The following RALGPS1 variants were observed in gnomAD, a reference collection of about 807,000 sequenced individuals.
The protein encoded by RALGPS1 is ras-specific guanine nucleotide-releasing factor RalGPS1.
In RALGPS1, 19 loss-of-function variants were observed where a neutral mutation model predicts 78.8. The observed-to-expected ratio is 0.24, with a 90% CI of 0.17 to 0.35. The LOEUF (loss-of-function observed/expected upper bound fraction) is 0.35. Among genes scored for constraint, RALGPS1 ranks in the 10% least tolerant of loss-of-function variants. The pLI is 1.00. For missense variants in RALGPS1, 454 were observed against 688.3 expected (o/e 0.66, Z 3.81); for synonymous variants, 228 against 256.3 (o/e 0.89, Z 1.06).
chr9:126,958,696 T>C (rs2038597920), intron 1 of RALGPS1, among the ~76,000 whole-genome samples: 1 of 152,238 alleles, frequency 6.6e-6, no homozygotes, highest in Non-Finnish European at 1.5e-5. Context: ...TTTGTAGCTT[T>C]TGGCTTTTAT....
chr9:127,199,138 C>T (rs904951646), intron 14 of RALGPS1, 72 bp downstream of exon 14: 56 of 1,402,432 alleles, frequency 4.0e-5, no homozygotes, highest in African/African-American at 8.5e-5. Context: ...AGACAGGCCC[C>T]GGGCAGGGAC....
Position 127,211,572 on chromosome 9 carries a change from A to G in RALGPS1, c.1248-559A>G, listed in dbSNP as rs139724720. Reference sequence around the variant, plus strand: ...GCTCAGGAGGGAGGTGTGGGCTGCCATGCCCTTGGACGCCTTCATCTGTAG... The same window carrying G: ...GCTCAGGAGGGAGGTGTGGGCTGCCGTGCCCTTGGACGCCTTCATCTGTAG... On this transcript the variant is annotated intron_variant, in intron 14 of 18. Transcript: ENST00000259351. The surrounding 1 kb of genome is among the most constrained non-coding windows in gnomAD (Gnocchi z 5.0). Among the ~76,000 whole-genome samples the G allele has an allele frequency of 2.8e-3, 426 of 152,220 alleles. 2 individuals are homozygous for G. Among genetic ancestry groups the G allele is most frequent in the African/African-American group, 9.8e-3 (406 of 41,534 alleles).
intron 1 of RALGPS1, among the ~76,000 whole-genome samples, chr9:126,935,460 A>G (rs1314289389): frequency 2.0e-5 from 3 of 152,202 alleles, no homozygotes; most frequent in Admixed American, 6.5e-5. Flanking sequence ...AACAGCCACA[A>G]CAAATGTTAA....
chr9:126,982,506 C>T (rs1226236807), intron 4 of RALGPS1, among the ~76,000 whole-genome samples: 1 of 152,196 alleles, frequency 6.6e-6, no homozygotes, highest in Non-Finnish European at 1.5e-5. Flanking sequence ...CCTATTAAAA[C>T]AACAACCACC....
rs562017249 is a variant in RALGPS1, at chr9:127,077,581, G to A, written c.610+8225G>A. ...ATGGGGGCCACCACCCTAGGACCAA[G>A]GTGCAGTAGTTCCCTTGTCAGGATT... On this transcript the variant is annotated intron_variant, in intron 8 of 18. Transcript: ENST00000259351. Among the ~76,000 whole-genome samples the A allele has an allele frequency of 4.6e-5, 7 of 152,340 alleles. No homozygotes were observed. The South Asian group carries it at 1.5e-3, about 32-fold the overall frequency.
At chr9:126,982,992 A>G (rs1485086743) in intron 4 of RALGPS1, among the ~76,000 whole-genome samples, 1 of 119,068 alleles carries the variant, frequency 8.4e-6, no homozygotes, top group African/African-American at 3.3e-5. Flanking sequence ...GCTGGAGTGC[A>G]GTGGCATGAT....
intron 8 of RALGPS1, among the ~76,000 whole-genome samples, chr9:127,084,543 TG>T (rs1234151257): frequency 6.6e-6 from 1 of 152,200 alleles, no homozygotes. Flanking sequence ...TTTGTGCCCC[TG>T]GGCCTGAGTC....
intron 8 of RALGPS1, among the ~76,000 whole-genome samples, chr9:127,098,482 C>G (rs1430007568): frequency 1.3e-5 from 2 of 152,192 alleles, no homozygotes; most frequent in Non-Finnish European, 2.9e-5. Context: ...AGCCCCGTGG[C>G]TGAGCCGAGT....
intron 8 of RALGPS1, among the ~76,000 whole-genome samples, chr9:127,097,851 G>T (rs2053305778): frequency 6.6e-6 from 1 of 152,208 alleles, no homozygotes; most frequent in Non-Finnish European, 1.5e-5. Flanking sequence ...AATCTCGATG[G>T]CCTCACCTAT....
chr9:126,996,880 A>T (rs1412958940), intron 4 of RALGPS1, among the ~76,000 whole-genome samples: 1 of 152,258 alleles, frequency 6.6e-6, no homozygotes, highest in Non-Finnish European at 1.5e-5. Context: ...GGTTCAACAT[A>T]CACAAATCAA....
intron 8 of RALGPS1, among the ~76,000 whole-genome samples, chr9:127,117,628 C>G (rs917919824): frequency 6.6e-6 from 1 of 152,212 alleles, no homozygotes; most frequent in African/African-American, 2.4e-5. Flanking sequence ...GGCTGGACAA[C>G]AGAGAGAGGA....
At chr9:127,149,126 G>A (rs2058272625) in intron 8 of RALGPS1, among the ~76,000 whole-genome samples, 2 of 152,212 alleles carry the variant, frequency 1.3e-5, no homozygotes, top group South Asian at 4.1e-4. Context: ...GTCAATGGCA[G>A]CATCCCCCTG....
intron 1 of RALGPS1, among the ~76,000 whole-genome samples, chr9:126,944,175 C>T (rs923617918): frequency 1.3e-5 from 2 of 152,230 alleles, no homozygotes; most frequent in Non-Finnish European, 2.9e-5. Flanking sequence ...GGCATGCACG[C>T]AGGAGTCAGA....
At chr9:126,942,080 G>A (rs1355331032) in intron 1 of RALGPS1, among the ~76,000 whole-genome samples, 1 of 152,178 alleles carries the variant, frequency 6.6e-6, no homozygotes, top group African/African-American at 2.4e-5. Context: ...CAAACCCCCT[G>A]TTCAGGTCCA....
chr9:126,924,477 C>T (rs2035071813), intron 1 of RALGPS1, among the ~76,000 whole-genome samples: 1 of 152,116 alleles, frequency 6.6e-6, no homozygotes, highest in South Asian at 2.1e-4. Flanking sequence ...GAGAAGCAGC[C>T]TGGTATATAG....
intron 4 of RALGPS1, among the ~76,000 whole-genome samples, chr9:127,008,037 G>A (rs369485607): frequency 6.6e-5 from 10 of 151,914 alleles, no homozygotes; most frequent in East Asian, 1.9e-4. Context: ...TCTAGGTGCT[G>A]TTCTCTGCAG....
chr9:127,085,732 G>C (rs2136237718), intron 8 of RALGPS1, among the ~76,000 whole-genome samples: 1 of 152,268 alleles, frequency 6.6e-6, no homozygotes, highest in East Asian at 1.9e-4. Context: ...TGGCTTTCCA[G>C]AGCTCTCTGT....
At chr9:126,922,997 G>A (rs968369932) in intron 1 of RALGPS1, among the ~76,000 whole-genome samples, 8 of 152,168 alleles carry the variant, frequency 5.3e-5, no homozygotes, top group Non-Finnish European at 1.2e-4. Context: ...TCAGGTCATG[G>A]GCCGTGACTG....
intron 1 of RALGPS1, among the ~76,000 whole-genome samples, chr9:126,934,130 A>T (rs2036051117): frequency 1.3e-5 from 2 of 152,186 alleles, no homozygotes; most frequent in African/African-American, 2.4e-5. Context: ...TTGCCACCTG[A>T]TTGGCTAATG....
Sources: allele counts gnomAD v4.1 joint callset (sites outside exome capture counted in the v4.1 genomes callset), GRCh38; gene constraint gnomAD v4.1.1; non-coding constraint Gnocchi (gnomAD v3.1); transcripts MANE v1.5; gene names NCBI Gene and HGNC (gene_info 2026-07-23, HGNC 2026-07-21).